GALNT10: variants seen among roughly 807,000 people sequenced by gnomAD.
The protein encoded by GALNT10 is polypeptide N-acetylgalactosaminyltransferase 10.
A neutral mutation model predicts 75.0 loss-of-function variants in GALNT10; 41 were observed. That is an observed-to-expected ratio of 0.55 (90% CI 0.43 to 0.71). The LOEUF (loss-of-function observed/expected upper bound fraction) is 0.71, where lower values mean the gene tolerates loss of function less well. Ranked by LOEUF, GALNT10 falls within the 30% of genes least tolerant of loss-of-function variation. The pLI is 0.00. For missense variants in GALNT10, 727 were observed against 818.5 expected (o/e 0.89, Z 1.36); for synonymous variants, 302 against 313.0 (o/e 0.96, Z 0.37).
chr5:154,208,480 TTCTC>T (rs34856430), intron 1 of GALNT10, among the ~76,000 whole-genome samples: 3,502 of 152,304 alleles, frequency 0.023, 63 homozygotes, highest in South Asian at 0.097. Flanking sequence ...ATCTTTTATT[TTCTC>T]TCTCTCATTT....
intron 9 of GALNT10, among the ~76,000 whole-genome samples, chr5:154,411,921 C>T (rs1240801505): frequency 1.3e-5 from 2 of 152,082 alleles, no homozygotes; most frequent in Admixed American, 6.5e-5. Context: ...GAAGGAGAGC[C>T]GGGATAGGAA....
At position 154,412,803 on chromosome 5, in the gene GALNT10, A is replaced by G. The variant is rs1156959028; in HGVS notation, c.1387-86A>G. 5 of 887,664 alleles carry G rather than the reference A, an allele frequency of 5.6e-6. No homozygotes were observed. The highest frequency in any genetic ancestry group is 9.5e-6 in the Non-Finnish European group (5 of 523,822). The allele number at this position is 887,664 out of a possible 1,614,324, so 55.0% of individuals were successfully genotyped here. On this transcript the variant is annotated intron_variant, in intron 9 of 11. Coordinates refer to ENST00000297107, the MANE Select transcript of GALNT10 (RefSeq NM_198321.4). This position sits in a 1 kb window ranked among gnomAD's most constrained non-coding sequence, Gnocchi z 4.2. ...AAGGTTAATCCAGCTAATGTCTCCC[A>G]CTTGGTTTCCCCTTTCACCTGGCAG...
intron 1 of GALNT10, among the ~76,000 whole-genome samples, chr5:154,282,079 G>A (rs1445183288): frequency 6.6e-6 from 1 of 152,242 alleles, no homozygotes; most frequent in East Asian, 1.9e-4. Flanking sequence ...GGAAGTCCGA[G>A]ATCAAGGGTA....
chr5:154,375,808 A>G (rs1030146614), intron 4 of GALNT10, among the ~76,000 whole-genome samples: 1 of 152,222 alleles, frequency 6.6e-6, no homozygotes, highest in African/African-American at 2.4e-5. Flanking sequence ...ATAAGGTCAC[A>G]TGACCATCCC....
At chr5:154,230,310 G>A (rs1753128678) in intron 1 of GALNT10, among the ~76,000 whole-genome samples, 1 of 152,134 alleles carries the variant, frequency 6.6e-6, no homozygotes, top group Non-Finnish European at 1.5e-5. Context: ...CAAGTCATTT[G>A]GGGAATACTA....
At chr5:154,346,211 A>G (rs1755122817) in intron 4 of GALNT10, among the ~76,000 whole-genome samples, 1 of 151,872 alleles carries the variant, frequency 6.6e-6, no homozygotes, top group Non-Finnish European at 1.5e-5. Flanking sequence ...GTTGGTGGAC[A>G]CTTAGGTTGT....
intron 7 of GALNT10, among the ~76,000 whole-genome samples, chr5:154,397,642 G>T (rs1004446804): frequency 3.3e-5 from 5 of 152,218 alleles, no homozygotes; most frequent in Non-Finnish European, 5.9e-5. Context: ...CTGAATGATT[G>T]GTGGCAATTA....
At position 154,294,832 on chromosome 5, in the gene GALNT10, A is replaced by G; in HGVS notation, c.176A>G (p.Gln59Arg). 1 of 1,595,736 alleles carries G rather than the reference A, an allele frequency of 6.3e-7. No individual in the cohort carries two copies. Among genetic ancestry groups the G allele is most frequent in the African/African-American group, 1.3e-5 (1 of 74,672 alleles). ...TTTTTTAAGGGCTCACACAGTCGAC[A>G]AAAGAAAACGTTTTTCTTGGGAGAT... is the stretch of plus-strand genomic sequence containing the variant. ...PAAGQGSHSR[Q>R]KKTFFLGDGQ... The change falls in exon 2 of 12, where the codon CAA (glutamine) becomes CGA (arginine). Residue 59 changes from glutamine to arginine, a missense_variant. Physicochemically the swap from Gln to Arg is conservative, Grantham distance 43. Coordinates refer to ENST00000297107, the MANE Select transcript of GALNT10 (RefSeq NM_198321.4).
intron 1 of GALNT10, among the ~76,000 whole-genome samples, chr5:154,292,104 C>T (rs531943176): frequency 6.6e-6 from 1 of 152,362 alleles, no homozygotes; most frequent in Admixed American, 6.5e-5. Context: ...CCACATTTGG[C>T]CCACGGGCCT....
intron 1 of GALNT10, among the ~76,000 whole-genome samples, chr5:154,271,312 C>T (rs1473844704): frequency 1.3e-5 from 2 of 151,822 alleles, no homozygotes; most frequent in Non-Finnish European, 2.9e-5. Flanking sequence ...GCTAAGAATA[C>T]AAAAATTAGC....
chr5:154,321,004 G>C (rs1754664407), intron 3 of GALNT10, among the ~76,000 whole-genome samples: 1 of 152,180 alleles, frequency 6.6e-6, no homozygotes, highest in Non-Finnish European at 1.5e-5. Context: ...TCTGGACTCT[G>C]ACCTGTTTTT....
At chr5:154,380,740 A>C in intron 6 of GALNT10, 109 bp downstream of exon 6, 2 of 687,538 alleles carry the variant, frequency 2.9e-6, no homozygotes, top group South Asian at 3.8e-5. Context: ...CAGAGGGTCC[A>C]GCTTCCCAGC....
At chr5:154,397,857 CG>C (rs1300077994) in intron 7 of GALNT10, among the ~76,000 whole-genome samples, 5 of 152,194 alleles carry the variant, frequency 3.3e-5, no homozygotes, top group African/African-American at 4.8e-5. Flanking sequence ...CCTGCCCTCT[CG>C]GGTTCCCCTC....
At chr5:154,284,939 A>C (rs1205966762) in intron 1 of GALNT10, among the ~76,000 whole-genome samples, 2 of 152,190 alleles carry the variant, frequency 1.3e-5, no homozygotes, top group African/African-American at 4.8e-5. Context: ...AGTCAAGTCT[A>C]ATCTCATGAA....
rs1376279330 is a variant in GALNT10 at position 154,190,836 on chromosome 5, C to T, written c.-31C>T. 247 of 1,135,160 alleles carry T rather than the reference C, an allele frequency of 2.2e-4. No individual in the cohort carries two copies. The highest frequency in any genetic ancestry group is 2.5e-4 in the Non-Finnish European group (234 of 923,926). The allele number at this position is 1,135,160 out of a possible 1,614,324, so 70.3% of individuals were successfully genotyped here. On this transcript the variant is annotated 5_prime_UTR_variant, in exon 1 of 12. Coordinates refer to ENST00000297107, the MANE Select transcript of GALNT10 (RefSeq NM_198321.4). ...GGAGCTGGGGGCGGCGCGGCGGGGC[C>T]GGCGGGGCGCGGCGGGGCTGACCGG...
intron 3 of GALNT10, among the ~76,000 whole-genome samples, chr5:154,307,920 A>G (rs767343699): frequency 6.6e-6 from 1 of 150,936 alleles, no homozygotes; most frequent in African/African-American, 2.4e-5. Context: ...AATAATAACA[A>G]TAAAGTATGA....
intron 4 of GALNT10, among the ~76,000 whole-genome samples, chr5:154,363,697 G>C (rs1755431457): frequency 6.6e-6 from 1 of 152,082 alleles, no homozygotes; most frequent in African/African-American, 2.4e-5. Context: ...AGTGGGGAGA[G>C]AGGTTTGAGT....
chr5:154,254,314 C>T (rs899018699), intron 1 of GALNT10, among the ~76,000 whole-genome samples: 55 of 152,108 alleles, frequency 3.6e-4, no homozygotes, highest in African/African-American at 1.3e-3. Context: ...TTTGTTGCTT[C>T]TATGGCCATC....
chr5:154,205,042 C>T (rs779513821), intron 1 of GALNT10, among the ~76,000 whole-genome samples: 16 of 152,204 alleles, frequency 1.1e-4, no homozygotes, highest in Non-Finnish European at 1.5e-4. Flanking sequence ...CTCCATGTTT[C>T]TTCTCACCAC....
Sources: allele counts gnomAD v4.1 joint callset (sites outside exome capture counted in the v4.1 genomes callset), GRCh38; gene constraint gnomAD v4.1.1; non-coding constraint Gnocchi (gnomAD v3.1); transcripts MANE v1.5; gene names NCBI Gene and HGNC (gene_info 2026-07-23, HGNC 2026-07-21).